Variants in DNM3 observed in about 807,000 individuals in gnomAD.
DNM3 encodes the protein dynamin 3.
DNM3 carries 47 observed loss-of-function variants against 101.6 expected under a neutral mutation model. The observed-to-expected ratio is 0.46, with a 90% CI of 0.37 to 0.59. The LOEUF is 0.59. Among genes scored for constraint, DNM3 ranks in the 20% least tolerant of loss-of-function variants. The probability of loss-of-function intolerance (pLI) is 0.00; values close to 1 mark genes in which losing one functional copy is unlikely to be tolerated. For missense variants in DNM3, 849 were observed against 1,085.7 expected (o/e 0.78, Z 3.06); for synonymous variants, 385 against 387.9 (o/e 0.99, Z 0.09).
chr1:171,876,209 A>G (rs1165989595), intron 1 of DNM3, among the ~76,000 whole-genome samples: 1 of 152,174 alleles, frequency 6.6e-6, no homozygotes, highest in East Asian at 1.9e-4. Flanking sequence ...AGAGTGGGAC[A>G]TGAAGTGGTG....
chr1:172,035,808 C>T (rs537623892), intron 6 of DNM3, among the ~76,000 whole-genome samples: 178 of 152,080 alleles, frequency 1.2e-3, no homozygotes, highest in Non-Finnish European at 1.9e-3. Flanking sequence ...AGAACAGCAA[C>T]GCATGCCAGG....
chr1:171,963,796 A>T (rs1191186132), intron 2 of DNM3, among the ~76,000 whole-genome samples: 1 of 151,168 alleles, frequency 6.6e-6, no homozygotes, highest in East Asian at 1.9e-4. Context: ...TCACAGCCAA[A>T]AAAAAATCCT....
intron 1 of DNM3, among the ~76,000 whole-genome samples, chr1:171,916,475 A>G (rs1200036015): frequency 6.6e-6 from 1 of 152,190 alleles, no homozygotes; most frequent in African/African-American, 2.4e-5. Flanking sequence ...ACTCTTCCAT[A>G]TCACTACATC....
chr1:171,913,351 G>A (rs74126529), intron 1 of DNM3, among the ~76,000 whole-genome samples: 3,074 of 152,232 alleles, frequency 0.02, 105 homozygotes, highest in African/African-American at 0.07. Context: ...TGATGGTATT[G>A]AGTACTTCAT....
Position 172,409,624 on chromosome 1 carries a change from C to G in DNM3, c.*1783C>G. 14 of 985,652 alleles carry G rather than the reference C, an allele frequency of 1.4e-5. No homozygotes were observed. Among genetic ancestry groups the G allele is most frequent in the Non-Finnish European group, 1.7e-5 (14 of 829,856 alleles). The allele number at this position is 985,652 out of a possible 1,614,324, so 61.1% of individuals were successfully genotyped here. A position where few individuals can be genotyped will look rare whatever the true frequency, so the allele number is the denominator to read the frequency against. On this transcript the variant is annotated 3_prime_UTR_variant, in exon 21 of 21. Transcript: ENST00000627582. ...AAAAGTTAACTCTTTGTGAATGGAA[C>G]CAATGTGCAAGATACATACTGCATT...
At chr1:172,336,155 A>G (rs2066418867) in intron 17 of DNM3, among the ~76,000 whole-genome samples, 1 of 152,126 alleles carries the variant, frequency 6.6e-6, no homozygotes, top group African/African-American at 2.4e-5. Flanking sequence ...CCCCCACACA[A>G]AGAATGATCC....
chr1:172,108,817 C>G (rs2055252038), intron 13 of DNM3, among the ~76,000 whole-genome samples: 1 of 152,204 alleles, frequency 6.6e-6, no homozygotes. Context: ...TGTCCTGATT[C>G]TTGGTAAGGT....
chr1:172,384,454 A>G (rs1267453622), intron 18 of DNM3, among the ~76,000 whole-genome samples: 1 of 152,192 alleles, frequency 6.6e-6, no homozygotes, highest in Admixed American at 6.5e-5. Flanking sequence ...TACTTGAGGT[A>G]GCTCTACCCT....
intron 14 of DNM3, among the ~76,000 whole-genome samples, chr1:172,141,052 A>C (rs1457855813): frequency 6.6e-6 from 1 of 151,978 alleles, no homozygotes; most frequent in Non-Finnish European, 1.5e-5. Flanking sequence ...TTTCTTAAGG[A>C]AAAAAATGTA....
At chr1:172,228,014 G>C (rs1445340973) in intron 14 of DNM3, among the ~76,000 whole-genome samples, 1 of 151,822 alleles carries the variant, frequency 6.6e-6, no homozygotes, top group East Asian at 1.9e-4. Context: ...TTTTCTATTA[G>C]GGTGTTTATT....
At chr1:171,884,458 A>G (rs1470582927) in intron 1 of DNM3, among the ~76,000 whole-genome samples, 1 of 152,234 alleles carries the variant, frequency 6.6e-6, no homozygotes, top group Non-Finnish European at 1.5e-5. Context: ...CTAATTGTAT[A>G]TAAGTCTAGC....
intron 2 of DNM3, among the ~76,000 whole-genome samples, chr1:171,944,817 A>G (rs933468835): frequency 6.1e-5 from 9 of 148,646 alleles, no homozygotes; most frequent in Non-Finnish European, 1.2e-4. Flanking sequence ...AGTTCATATT[A>G]AAGTGTTTTT....
intron 13 of DNM3, among the ~76,000 whole-genome samples, chr1:172,103,256 A>C (rs1337578798): frequency 1.3e-5 from 2 of 152,196 alleles, no homozygotes; most frequent in East Asian, 3.8e-4. Flanking sequence ...AAATAGACAA[A>C]TATTGTACAT....
chr1:171,920,114 T>C (rs948839219), intron 1 of DNM3, among the ~76,000 whole-genome samples: 6 of 152,234 alleles, frequency 3.9e-5, no homozygotes, highest in African/African-American at 1.2e-4. Flanking sequence ...CTATTTCCTC[T>C]GTCAGAACAC....
At chr1:172,377,063 G>T (rs1266937152) in intron 17 of DNM3, among the ~76,000 whole-genome samples, 2 of 152,006 alleles carry the variant, frequency 1.3e-5, no homozygotes, top group African/African-American at 4.8e-5. Context: ...TATTTATTCT[G>T]CTTTTCTCCT....
chr1:172,174,642 C>T (rs1247219025), intron 14 of DNM3, among the ~76,000 whole-genome samples: 1 of 151,502 alleles, frequency 6.6e-6, no homozygotes, highest in East Asian at 1.9e-4. Context: ...TGTTAATTTA[C>T]CTTATATCAG....
chr1:172,147,855 A>G (rs986638558), intron 14 of DNM3, among the ~76,000 whole-genome samples: 2 of 152,186 alleles, frequency 1.3e-5, no homozygotes, highest in Non-Finnish European at 1.5e-5. Flanking sequence ...TCCCAAACTA[A>G]TGGTAACTGT....
chr1:172,152,264 C>CT (rs746363618), intron 14 of DNM3, among the ~76,000 whole-genome samples: 4,071 of 136,328 alleles, frequency 0.03, 76 homozygotes, highest in African/African-American at 0.044. Flanking sequence ...ACTTCCCTTC[C>CT]TTTTTTTTTT....
intron 2 of DNM3, among the ~76,000 whole-genome samples, chr1:171,981,105 G>A (rs1297981272): frequency 6.6e-6 from 1 of 152,102 alleles, no homozygotes; most frequent in Non-Finnish European, 1.5e-5. Flanking sequence ...AGGCATTAGG[G>A]AAACACAGAA....
Sources: gnomAD v4.1 joint callset for allele counts (sites outside exome capture counted in the v4.1 genomes callset) on GRCh38, gnomAD v4.1.1 for gene constraint, MANE v1.5 for transcripts, NCBI Gene and HGNC (gene_info 2026-07-23, HGNC 2026-07-21) for gene names.